Variants in KANK1 observed in about 807,000 individuals in gnomAD.
KANK1 encodes the protein KN motif and ankyrin repeat domain-containing protein 1.
In KANK1, 109 loss-of-function variants were observed where a neutral mutation model predicts 106.2. The ratio of observed to expected loss-of-function variants is 1.03; its 90% CI spans 0.88 to 1.20. KANK1 has a LOEUF of 1.20. KANK1 is among the 50% of genes most tolerant of loss of function. The pLI, the probability that KANK1 is intolerant of heterozygous loss-of-function variation, is 0.00. For missense variants in KANK1, 2,399 were observed against 1,710.7 expected (o/e 1.40, Z -7.10); for synonymous variants, 873 against 652.2 (o/e 1.34, Z -5.16).
chr9:612,911 C>T (rs948938206), intron 1 of KANK1, among the ~76,000 whole-genome samples: 1 of 152,178 alleles, frequency 6.6e-6, no homozygotes, highest in Non-Finnish European at 1.5e-5. Context: ...ATTTGCCATA[C>T]ATATGCCTAT....
chr9:504,968 G>GC (rs917110066), intron 1 of KANK1, among the ~76,000 whole-genome samples: 1 of 151,024 alleles, frequency 6.6e-6, no homozygotes, highest in South Asian at 2.1e-4. Flanking sequence ...CCTGGGGGGG[G>GC]GTCCGAGAGG....
chr9:470,821 T>C (rs973732337), intron 2 of KANK1: 2 of 152,260 alleles, frequency 1.3e-5, no homozygotes, highest in African/African-American at 4.8e-5. Context: ...CACCCCCTAG[T>C]TTTTTGTCTG....
intron 3 of KANK1, among the ~76,000 whole-genome samples, chr9:722,072 A>T (rs1338097996): frequency 2.0e-5 from 3 of 152,236 alleles, no homozygotes; most frequent in African/African-American, 7.2e-5. Context: ...ACTCCGTCTT[A>T]CTTCTGACCT....
rs114523889 is a variant in KANK1 at position 726,656 on chromosome 9, C to T, written c.2699-3395C>T. On this transcript the variant is annotated intron_variant, in intron 3 of 11. Transcript: ENST00000382297. Reference sequence around the variant, plus strand: ...CTGTCTCGAAAGAAGAAAACTTGAACGGAGACAAAAATTAAAAATAAGGCC... The same window carrying T: ...CTGTCTCGAAAGAAGAAAACTTGAATGGAGACAAAAATTAAAAATAAGGCC... 2.3e-3 allele frequency among the ~76,000 whole-genome samples: 354 copies of T among 151,680 alleles called. 2 individuals are homozygous for T. The highest frequency in any genetic ancestry group is 8.1e-3 in the African/African-American group (335 of 41,366).
In KANK1 at chr9:717,007, T is replaced by G. The variant is rs191390444; in HGVS notation, c.2698+3543T>G. On this transcript the variant is annotated intron_variant, in intron 3 of 11. Transcript: ENST00000382297. Reference sequence around the variant, plus strand: ...GTGGGTGGGGGTGGTGGGGGGAGATTGTGCACGGTGGCTCACACCTGTAAT... The same window carrying G: ...GTGGGTGGGGGTGGTGGGGGGAGATGGTGCACGGTGGCTCACACCTGTAAT... Among the ~76,000 whole-genome samples, 622 of 150,024 alleles carry G rather than the reference T, an allele frequency of 4.1e-3. 5 individuals carry two copies. Among genetic ancestry groups the G allele is most frequent in the African/African-American group, 0.015 (594 of 40,722 alleles).
chr9:491,925 T>C (rs1463138165), intron 3 of KANK1, among the ~76,000 whole-genome samples: 1 of 152,232 alleles, frequency 6.6e-6, no homozygotes, highest in African/African-American at 2.4e-5. Flanking sequence ...GCCATCCAAG[T>C]AAGACGTGAG....
intron 1 of KANK1, among the ~76,000 whole-genome samples, chr9:523,216 G>T (rs1178466123): frequency 6.6e-6 from 1 of 151,620 alleles, no homozygotes; most frequent in Non-Finnish European, 1.5e-5. Context: ...CACCCAAACA[G>T]AATTTCTTAT....
chr9:506,315 A>C (rs990830840), intron 1 of KANK1, among the ~76,000 whole-genome samples: 7 of 152,320 alleles, frequency 4.6e-5, no homozygotes, highest in African/African-American at 1.7e-4. Flanking sequence ...GCAATGGAAG[A>C]AAAATTAAGT....
chr9:668,019 C>G (rs1845052774), intron 1 of KANK1, among the ~76,000 whole-genome samples: 1 of 152,160 alleles, frequency 6.6e-6, no homozygotes, highest in Non-Finnish European at 1.5e-5. Context: ...GCATGAGCCA[C>G]CACACCTAGC....
intron 3 of KANK1, among the ~76,000 whole-genome samples, chr9:729,128 T>G (rs779434061): frequency 1.3e-5 from 2 of 152,250 alleles, no homozygotes; most frequent in Non-Finnish European, 2.9e-5. Context: ...CAAAATATTA[T>G]TTAATCCAAA....
chr9:719,188 C>T (rs966220663), intron 3 of KANK1, among the ~76,000 whole-genome samples: 21 of 152,136 alleles, frequency 1.4e-4, no homozygotes, highest in Middle Eastern at 3.4e-3. Flanking sequence ...AGGCTGGTCT[C>T]GATCTTCTAA....
At chr9:705,886 C>G (rs1360460883) in intron 2 of KANK1, among the ~76,000 whole-genome samples, 1 of 152,034 alleles carries the variant, frequency 6.6e-6, no homozygotes, top group Non-Finnish European at 1.5e-5. Context: ...CAGGCATGAG[C>G]CAGCGTGCTC....
chr9:706,102 T>C (rs1036897576), intron 2 of KANK1, among the ~76,000 whole-genome samples: 5 of 152,180 alleles, frequency 3.3e-5, no homozygotes, highest in African/African-American at 1.2e-4. Context: ...TATTGTAGAA[T>C]AATTTTTACC....
At chr9:470,647 T>C (rs1452227717) in exon 2 of KANK1, 1 of 152,242 alleles carries the variant, frequency 6.6e-6, no homozygotes, top group Non-Finnish European at 1.5e-5. Context: ...GCCACTCCAG[T>C]GGGAACGGAC....
chr9:492,644 A>C (rs1204783798), intron 3 of KANK1, among the ~76,000 whole-genome samples: 1 of 152,210 alleles, frequency 6.6e-6, no homozygotes, highest in Non-Finnish European at 1.5e-5. Flanking sequence ...TTTAAGATTA[A>C]ATATATTGAA....
chr9:592,521 G>A (rs908451035), intron 1 of KANK1, among the ~76,000 whole-genome samples: 1 of 151,838 alleles, frequency 6.6e-6, no homozygotes, highest in Non-Finnish European at 1.5e-5. Context: ...CTGTGTCTAA[G>A]TACGTTTTTT....
At chr9:576,960 A>G (rs1820727311) in intron 1 of KANK1, among the ~76,000 whole-genome samples, 1 of 152,196 alleles carries the variant, frequency 6.6e-6, no homozygotes, top group Admixed American at 6.5e-5. Context: ...GTTCTTAAAG[A>G]TGGTGTGTCC....
rs577733326 is a variant in KANK1 at position 565,589 on chromosome 9, C to G, written c.-84+60835C>G. Among the ~76,000 whole-genome samples the G allele has an allele frequency of 3.3e-5, 5 of 152,254 alleles. No homozygotes were observed. The South Asian group carries it at 1.0e-3, about 32-fold the overall frequency. On this transcript the variant is annotated intron_variant, in intron 1 of 11. Coordinates refer to ENST00000382297, the MANE Select transcript of KANK1 (RefSeq NM_015158.5). ...ACAGGGGACTATAGAATGGATGTTG[C>G]TGATTGGCTGGGGATGCCATCATAG...
rs1413058881 is a variant in KANK1 at position 746,057 on chromosome 9, G to A, written c.*822G>A. On this transcript the variant is annotated 3_prime_UTR_variant, in exon 12 of 12. Transcript: ENST00000382297. ...CTCTATGTATTTAAATGTTTGAAGT[G>A]CCTTAGACTCTTGCCATATTTTCAA... The A allele has an allele frequency of 6.6e-6, 1 of 152,562 alleles. No individual in the cohort carries two copies. Among genetic ancestry groups the A allele is most frequent in the African/African-American group, 2.4e-5 (1 of 41,398 alleles). The allele number at this position is 152,562 out of a possible 1,614,324, so 9.5% of individuals were successfully genotyped here.
Sources: allele counts gnomAD v4.1 joint callset (sites outside exome capture counted in the v4.1 genomes callset), GRCh38; gene constraint gnomAD v4.1.1; transcripts MANE v1.5; gene names NCBI Gene and HGNC (gene_info 2026-07-23, HGNC 2026-07-21).